PPP2R3B: variants seen among roughly 807,000 people sequenced by gnomAD.
PPP2R3B encodes serine/threonine-protein phosphatase 2A regulatory subunit B'' subunit beta.
In PPP2R3B, 68 loss-of-function variants were observed where a neutral mutation model predicts 72.9. That is an observed-to-expected ratio of 0.93 (90% CI 0.77 to 1.14). The LOEUF (loss-of-function observed/expected upper bound fraction) is 1.14, where lower values mean the gene tolerates loss of function less well. Among genes scored for constraint, PPP2R3B ranks in the 50% most tolerant of loss-of-function variants. The pLI is 0.00. For missense variants in PPP2R3B, 1,018 were observed against 842.0 expected, an observed-to-expected ratio of 1.21 and a Z score of -2.59; for synonymous variants, 466 against 375.8, an observed-to-expected ratio of 1.24 and a Z score of -2.78.
chrX:386,053 G>A (rs964403642), intron 1 of PPP2R3B, among the ~76,000 whole-genome samples: 3 of 152,190 alleles, frequency 2.0e-5, no homozygotes, highest in African/African-American at 4.8e-5. Flanking sequence ...TCGTACTCCA[G>A]CCTGGGCAAC....
At chrX:375,923 G>A (rs2071983224) in intron 1 of PPP2R3B, among the ~76,000 whole-genome samples, 1 of 151,798 alleles carries the variant, frequency 6.6e-6, no homozygotes, top group South Asian at 2.1e-4. Context: ...GCCAGGCACA[G>A]TGGCTCATGC....
At chrX:382,196 CT>C (rs769206203) in intron 1 of PPP2R3B, among the ~76,000 whole-genome samples, 42,092 of 129,664 alleles carry the variant, frequency 0.32, 5,364 homozygotes, top group Non-Finnish European at 0.35. Flanking sequence ...CTTTTTTTTT[CT>C]TTTTTTTTTT....
intron 5 of PPP2R3B, 56 bp downstream of exon 5, chrX:346,645 T>C: frequency 3.3e-6 from 5 of 1,530,060 alleles, no homozygotes; most frequent in Non-Finnish European, 4.5e-6. Context: ...CGGCGGCCGC[T>C]GCAGAAACAC....
chrX:379,796 A>G lies in PPP2R3B; in HGVS notation c.324+6572T>C, dbSNP rs762683438. Among the ~76,000 whole-genome samples, 7 of 152,386 alleles carry G rather than the reference A, an allele frequency of 4.6e-5. No individual in the cohort carries two copies. In the East Asian group the frequency reaches 5.8e-4, roughly 13 times the overall value. On this transcript the variant is annotated intron_variant, in intron 1 of 12. Transcript: ENST00000390665. ...GATCCACAGATTCAAAGCAATCCCA[A>G]TCAAAATTCCAACAGGCTTTTCTTG... is the stretch of plus-strand genomic sequence containing the variant.
At chrX:348,897 T>G (rs1166584704) in intron 2 of PPP2R3B, among the ~76,000 whole-genome samples, 2 of 152,078 alleles carry the variant, frequency 1.3e-5, no homozygotes, top group African/African-American at 4.8e-5. Flanking sequence ...CGTTTCCCAG[T>G]GCCTGTTCCG....
chrX:346,427 G>A, intron 5 of PPP2R3B, 167 bp from the exon 6 acceptor site: 3 of 689,016 alleles, frequency 4.4e-6, no homozygotes, highest in Non-Finnish European at 7.0e-6. Flanking sequence ...CGCCGCCCCA[G>A]GCCGCGGAAA....
At chrX:352,580 A>G (rs1013163277) in intron 2 of PPP2R3B, among the ~76,000 whole-genome samples, 1 of 88,406 alleles carries the variant, frequency 1.1e-5, no homozygotes, top group African/African-American at 4.6e-5. Flanking sequence ...GTACTGCTGA[A>G]CCCTATTCCA....
In PPP2R3B at chrX:334,135, C is replaced by G. The variant is rs751089881; in HGVS notation, c.*232G>C. ...GGAACGGCAAGCGCCAGAGGGTGTC[C>G]GTGTGGGAACCCGTCCCATTCACGC... On this transcript the variant is annotated 3_prime_UTR_variant, in exon 13 of 13. Transcript: ENST00000390665. 2.1e-5 allele frequency: 9 copies of G among 421,040 alleles called. No individual in the cohort carries two copies. The highest frequency in any genetic ancestry group is 1.7e-4 in the African/African-American group (8 of 47,696). The allele number at this position is 421,040 out of a possible 1,614,324, so 26.1% of individuals were successfully genotyped here. A position where few individuals can be genotyped will look rare whatever the true frequency, so the allele number is the denominator to read the frequency against.
chrX:359,031 G>A (rs1217900874), intron 2 of PPP2R3B, among the ~76,000 whole-genome samples: 1 of 152,220 alleles, frequency 6.6e-6, no homozygotes, highest in Non-Finnish European at 1.5e-5. Flanking sequence ...GGGAATACAT[G>A]GGTCCCATGC....
At chrX:350,941 C>T (rs774296898) in intron 2 of PPP2R3B, among the ~76,000 whole-genome samples, 4 of 152,224 alleles carry the variant, frequency 2.6e-5, no homozygotes, top group South Asian at 2.1e-4. Context: ...AGGAGCCGGA[C>T]GCCAGAGCAG....
chrX:376,214 A>AC (rs2071989764), intron 1 of PPP2R3B, among the ~76,000 whole-genome samples: 3 of 150,800 alleles, frequency 2.0e-5, no homozygotes, highest in African/African-American at 7.3e-5. Flanking sequence ...AAAAAAAAAA[A>AC]GACTTTTGGA....
chrX:386,314 A>G (rs2072247683), intron 1 of PPP2R3B, 54 bp downstream of exon 1: 2 of 1,274,748 alleles, frequency 1.6e-6, no homozygotes, highest in African/African-American at 1.5e-5. Flanking sequence ...CCACACGCCC[A>G]CTATGCGACC....
chrX:357,293 A>T (rs1462088078), intron 2 of PPP2R3B, among the ~76,000 whole-genome samples: 1 of 152,208 alleles, frequency 6.6e-6, no homozygotes, highest in Non-Finnish European at 1.5e-5. Flanking sequence ...GTGCTTTACC[A>T]AAATGGATCA....
chrX:373,591 G>T, intron 1 of PPP2R3B: 1 of 291,324 alleles, frequency 3.4e-6, no homozygotes, highest in Non-Finnish European at 7.3e-6. Flanking sequence ...TCGCAGCCGC[G>T]GGCCAGTGAG....
intron 1 of PPP2R3B, among the ~76,000 whole-genome samples, chrX:368,919 T>G (rs1432963753): frequency 6.6e-6 from 1 of 151,810 alleles, no homozygotes; most frequent in East Asian, 1.9e-4. Context: ...CCACCCACCA[T>G]GGGCACTAAT....
At chrX:364,323 C>T (rs889187987) in intron 1 of PPP2R3B, among the ~76,000 whole-genome samples, 10 of 152,132 alleles carry the variant, frequency 6.6e-5, no homozygotes, top group African/African-American at 1.9e-4. Flanking sequence ...CTGACGGCTA[C>T]AGCCGACTCT....
intron 1 of PPP2R3B, among the ~76,000 whole-genome samples, chrX:372,738 A>G (rs1002582839): frequency 2.0e-5 from 3 of 152,192 alleles, no homozygotes; most frequent in African/African-American, 7.2e-5. Context: ...GTGGGCGATC[A>G]CCTGAGGTCA....
At chrX:374,868 T>A (rs752298433) in intron 1 of PPP2R3B, among the ~76,000 whole-genome samples, 25 of 150,906 alleles carry the variant, frequency 1.7e-4, no homozygotes, top group Admixed American at 1.3e-3. Flanking sequence ...CGCAGAGGAG[T>A]TTCCCTGCCC....
intron 1 of PPP2R3B, among the ~76,000 whole-genome samples, chrX:381,444 T>C (rs1030040930): frequency 6.6e-6 from 1 of 151,948 alleles, no homozygotes; most frequent in African/African-American, 2.4e-5. Context: ...CATGTGTGGG[T>C]GAGAAAAAGC....
Sources: gnomAD v4.1 joint callset for allele counts (sites outside exome capture counted in the v4.1 genomes callset) on GRCh38, gnomAD v4.1.1 for gene constraint, MANE v1.5 for transcripts, NCBI Gene and HGNC (gene_info 2026-07-23, HGNC 2026-07-21) for gene names.